The following ADAMTS2 variants were observed in gnomAD, a reference collection of about 807,000 sequenced individuals.
The protein encoded by ADAMTS2 is A disintegrin and metalloproteinase with thrombospondin motifs 2.
Under a neutral mutation model 123.0 loss-of-function variants are expected in ADAMTS2, and 50 were observed. That is an observed-to-expected ratio of 0.41 (90% CI 0.32 to 0.51). ADAMTS2 has a LOEUF of 0.51. ADAMTS2 is among the 20% of genes least tolerant of loss of function. ADAMTS2 has a pLI of 0.35. For missense variants in ADAMTS2, 1,494 were observed against 1,705.2 expected (o/e 0.88, Z 2.18); for synonymous variants, 678 against 695.4 (o/e 0.98, Z 0.39).
chr5:179,235,134 T>G (rs1042066021), intron 3 of ADAMTS2, among the ~76,000 whole-genome samples: 1 of 152,222 alleles, frequency 6.6e-6, no homozygotes, highest in African/African-American at 2.4e-5. Flanking sequence ...CTCTCTCTCC[T>G]AGACTCAAGC....
intron 3 of ADAMTS2, among the ~76,000 whole-genome samples, chr5:179,223,110 C>T (rs1200985183): frequency 1.3e-5 from 2 of 152,252 alleles, no homozygotes; most frequent in Non-Finnish European, 2.9e-5. Flanking sequence ...ATTCACTCGT[C>T]AAGTATTTTG....
intron 2 of ADAMTS2, among the ~76,000 whole-genome samples, chr5:179,320,612 C>G (rs1213901853): frequency 6.6e-6 from 1 of 152,100 alleles, no homozygotes; most frequent in Non-Finnish European, 1.5e-5. Flanking sequence ...GCCACTGTTC[C>G]TGGCCCACCC....
chr5:179,152,278 G>T (rs1264012768), intron 9 of ADAMTS2, 23 bp from the exon 10 acceptor site: 2 of 1,610,740 alleles, frequency 1.2e-6, no homozygotes, highest in East Asian at 2.2e-5. Context: ...ACCATAGCTT[G>T]CCAGGTCCCT....
At chr5:179,245,316 G>C (rs1387371995) in intron 3 of ADAMTS2, among the ~76,000 whole-genome samples, 1 of 152,136 alleles carries the variant, frequency 6.6e-6, no homozygotes, top group Non-Finnish European at 1.5e-5. Context: ...ACAAAACCCT[G>C]CCAAAACCCT....
At position 179,345,318 on chromosome 5, in the gene ADAMTS2, G is replaced by T. The variant is rs2127463944; in HGVS notation, c.11C>A (p.Pro4Gln). 6 of 1,134,828 alleles carry T rather than the reference G, an allele frequency of 5.3e-6. No individual in the cohort carries two copies. Among genetic ancestry groups the T allele is most frequent in the Non-Finnish European group, 6.5e-6 (6 of 926,510 alleles). The allele number at this position is 1,134,828 out of a possible 1,614,324, so 70.3% of individuals were successfully genotyped here. A position where few individuals can be genotyped will look rare whatever the true frequency, so the allele number is the denominator to read the frequency against. Reference protein sequence around the residue: MDPPAGAARRLLCP... With the variant: MDPQAGAARRLLCP... ...GAGCAGGCGGCGAGCGGCTCCCGCCGGCGGATCCATGGCAGCCGGACTGCA... is the reference window on the plus strand; with the variant it reads ...GAGCAGGCGGCGAGCGGCTCCCGCCTGCGGATCCATGGCAGCCGGACTGCA... The change falls in exon 1 of 22, where the codon CCG (proline) becomes CAG (glutamine). Residue 4 changes from proline to glutamine, a missense_variant. Transcript: ENST00000251582. The surrounding 1 kb of genome is among the most constrained non-coding windows in gnomAD (Gnocchi z 7.5).
At chr5:179,208,306 T>C (rs1277080377) in intron 3 of ADAMTS2, among the ~76,000 whole-genome samples, 2 of 152,182 alleles carry the variant, frequency 1.3e-5, no homozygotes, top group Non-Finnish European at 2.9e-5. Flanking sequence ...CAGTGTCTCC[T>C]TGGGCCCCTC....
chr5:179,232,968 C>G (rs1421597774), intron 3 of ADAMTS2, among the ~76,000 whole-genome samples: 1 of 152,148 alleles, frequency 6.6e-6, no homozygotes, highest in Admixed American at 6.5e-5. Context: ...AATGGAAGCA[C>G]ATGAAATTAT....
At chr5:179,152,359 T>C in intron 9 of ADAMTS2, 104 bp from the exon 10 acceptor site, 1 of 1,054,656 alleles carries the variant, frequency 9.5e-7, no homozygotes, top group Non-Finnish European at 1.4e-6. Flanking sequence ...CCAGTGGGAC[T>C]GGCCCATGAT....
intron 3 of ADAMTS2, among the ~76,000 whole-genome samples, chr5:179,209,553 C>T (rs1463149457): frequency 2.7e-5 from 4 of 148,796 alleles, no homozygotes; most frequent in Non-Finnish European, 4.4e-5. Context: ...CACATGTACA[C>T]ACACACAAGC....
At chr5:179,207,774 C>T in intron 3 of ADAMTS2, 59 bp from the exon 4 acceptor site, 1 of 1,505,170 alleles carries the variant, frequency 6.6e-7, no homozygotes, top group Non-Finnish European at 9.1e-7. Context: ...CACAAACCTA[C>T]CAGGCGCCAG....
At chr5:179,157,428 A>C (rs1763495167) in intron 6 of ADAMTS2, among the ~76,000 whole-genome samples, 1 of 150,544 alleles carries the variant, frequency 6.6e-6, no homozygotes, top group Admixed American at 6.6e-5. Flanking sequence ...GGAGCTATCC[A>C]CTCCTCACCC....
intron 13 of ADAMTS2, among the ~76,000 whole-genome samples, chr5:179,133,955 GC>G (rs1763009561): frequency 6.7e-6 from 1 of 149,540 alleles, no homozygotes; most frequent in South Asian, 2.1e-4. Context: ...CAAATAATCT[GC>G]CCGCCTCGGC....
In ADAMTS2 at chr5:179,126,499, T is replaced by C. The variant is rs958439655; in HGVS notation, c.2618-369A>G. Among the ~76,000 whole-genome samples, 3 of 152,340 alleles carry C rather than the reference T, an allele frequency of 2.0e-5. No individual in the cohort carries two copies. The South Asian group carries it at 6.2e-4, about 32-fold the overall frequency. Reference sequence around the variant, plus strand: ...GCAAGCACTGGGCCCGCAGCCCGCATGCTTCCTCCCACAGGCCCAGAGCAG... The same window carrying C: ...GCAAGCACTGGGCCCGCAGCCCGCACGCTTCCTCCCACAGGCCCAGAGCAG... On this transcript the variant is annotated intron_variant, in intron 17 of 21. Transcript: ENST00000251582.
chr5:179,309,134 A>G (rs1756754451), intron 2 of ADAMTS2, among the ~76,000 whole-genome samples: 1 of 152,198 alleles, frequency 6.6e-6, no homozygotes, highest in South Asian at 2.1e-4. Context: ...GCAAACACCA[A>G]TTCAGTTGAA....
Position 179,185,970 on chromosome 5 carries a change from T to C in ADAMTS2, c.892-4815A>G, listed in dbSNP as rs1211743452. Among the ~76,000 whole-genome samples, 2 of 151,960 alleles carry C rather than the reference T, an allele frequency of 1.3e-5. No homozygotes were observed. On this transcript the variant is annotated intron_variant, in intron 4 of 21. Coordinates refer to ENST00000251582, the MANE Select transcript of ADAMTS2 (RefSeq NM_014244.5). The surrounding 1 kb of genome is among the most constrained non-coding windows in gnomAD (Gnocchi z 5.9). ...GGCCCCCTCAGCCCTCCCTCCCTGG[T>C]AGCCTTCAACTGTGGTGCGCTCTCC...
In ADAMTS2 at chr5:179,185,237, C is replaced by CGTA. The variant is rs932546519; in HGVS notation, c.892-4083_892-4082insTAC. ...GGCGGGGCATTTAAGAAGCTTACTC[C>CGTA]AGGTGCCTTACGGAAAGTAGATGGA... On this transcript the variant is annotated intron_variant, in intron 4 of 21. Coordinates refer to ENST00000251582, the MANE Select transcript of ADAMTS2 (RefSeq NM_014244.5). The surrounding 1 kb of genome is among the most constrained non-coding windows in gnomAD (Gnocchi z 5.9). Among the ~76,000 whole-genome samples, 1 of 152,194 alleles carries CGTA rather than the reference C, an allele frequency of 6.6e-6. No individual in the cohort carries two copies. The highest frequency in any genetic ancestry group is 2.4e-5 in the African/African-American group (1 of 41,450).
chr5:179,153,303 T>C (rs1054507995), intron 9 of ADAMTS2, among the ~76,000 whole-genome samples, 188 bp downstream of exon 9: 2 of 152,040 alleles, frequency 1.3e-5, no homozygotes, highest in African/African-American at 4.8e-5. Context: ...CGTCTGGGCC[T>C]GCCAGGTGGG....
At position 179,118,276 on chromosome 5, in the gene ADAMTS2, C is replaced by T. The variant is rs1473548116; in HGVS notation, c.3178+3385G>A. 7.2e-5 allele frequency among the ~76,000 whole-genome samples: 11 copies of T among 152,032 alleles called. No homozygotes were observed. The highest frequency in any genetic ancestry group is 7.2e-4 in the Admixed American group (11 of 15,262). On this transcript the variant is annotated intron_variant, in intron 21 of 21. Coordinates refer to ENST00000251582, the MANE Select transcript of ADAMTS2 (RefSeq NM_014244.5). This position sits in a 1 kb window ranked among gnomAD's most constrained non-coding sequence, Gnocchi z 4.5. ...TCATGACCAACTGATCTTAAAGATG[C>T]CCCAGGTTTGTACATTTTTAAGTAT...
chr5:179,296,733 C>T (rs1756348445), intron 2 of ADAMTS2, among the ~76,000 whole-genome samples: 1 of 152,052 alleles, frequency 6.6e-6, no homozygotes, highest in Non-Finnish European at 1.5e-5. Context: ...AGGGTGGTGC[C>T]TGGGAAGACC....
Sources: allele counts gnomAD v4.1 joint callset (sites outside exome capture counted in the v4.1 genomes callset), GRCh38; gene constraint gnomAD v4.1.1; non-coding constraint Gnocchi (gnomAD v3.1); transcripts MANE v1.5; gene names NCBI Gene and HGNC (gene_info 2026-07-23, HGNC 2026-07-21).